Variants in EPC1 observed in about 807,000 individuals in gnomAD.
The protein encoded by EPC1 is enhancer of polycomb homolog 1.
A neutral mutation model predicts 98.4 loss-of-function variants in EPC1; 12 were observed. The observed-to-expected ratio is 0.12, with a 90% CI of 0.08 to 0.20. The LOEUF is 0.20. Ranked by LOEUF, EPC1 falls within the 10% of genes least tolerant of loss-of-function variation. The pLI, the probability that EPC1 is intolerant of heterozygous loss-of-function variation, is 1.00. For synonymous variants in EPC1, 357 were observed against 363.9 expected, an observed-to-expected ratio of 0.98 and a Z score of 0.21; for missense variants, 729 against 990.5, an observed-to-expected ratio of 0.74 and a Z score of 3.54.
rs578238011 is a variant in EPC1, at chr10:32,302,419, G to A, written c.313+3353C>T. On this transcript the variant is annotated intron_variant, in intron 2 of 13. Transcript: ENST00000319778. ...TCCCAGCACTTTGGGAGGCCGAGGC[G>A]GGTGGATCACCTCAGGTCAGGAGTT... Among the ~76,000 whole-genome samples, 6 of 151,876 alleles carry A rather than the reference G, an allele frequency of 4.0e-5. No homozygotes were observed. In the South Asian group the frequency reaches 6.2e-4, roughly 16 times the overall value.
At chr10:32,311,626 TCC>T (rs148163754) in intron 1 of EPC1, among the ~76,000 whole-genome samples, 7,615 of 152,166 alleles carry the variant, frequency 0.05, 597 homozygotes, top group African/African-American at 0.17. Flanking sequence ...TTCTCCCTTA[TCC>T]ACAGGGGATA....
At chr10:32,364,656 GT>G (rs1237349486) in intron 1 of EPC1, among the ~76,000 whole-genome samples, 4 of 151,922 alleles carry the variant, frequency 2.6e-5, no homozygotes, top group Non-Finnish European at 5.9e-5. Context: ...ATTTTTTGTA[GT>G]TTATAGAAAA....
intron 10 of EPC1, among the ~76,000 whole-genome samples, chr10:32,274,897 C>T (rs995029881): frequency 3.3e-5 from 5 of 152,024 alleles, no homozygotes; most frequent in African/African-American, 1.2e-4. Context: ...TAAAAAAAAT[C>T]CACGAAAATT....
intron 1 of EPC1, among the ~76,000 whole-genome samples, chr10:32,362,453 C>G (rs1478014277): frequency 1.3e-5 from 2 of 151,972 alleles, no homozygotes; most frequent in South Asian, 2.1e-4. Flanking sequence ...ATAGTAGCAC[C>G]TCCCCGCTCC....
chr10:32,353,232 G>A (rs1839176627), intron 1 of EPC1, among the ~76,000 whole-genome samples: 1 of 151,944 alleles, frequency 6.6e-6, no homozygotes, highest in South Asian at 2.1e-4. Context: ...GAAGTGAAGT[G>A]CGAACTAGAA....
At chr10:32,332,553 CT>C (rs1828094863) in intron 1 of EPC1, among the ~76,000 whole-genome samples, 1 of 152,178 alleles carries the variant, frequency 6.6e-6, no homozygotes, top group Non-Finnish European at 1.5e-5. Flanking sequence ...GTCATTTGTT[CT>C]GTGAAGACAC....
At chr10:32,337,546 T>C (rs181631011) in intron 1 of EPC1, among the ~76,000 whole-genome samples, 12 of 152,300 alleles carry the variant, frequency 7.9e-5, no homozygotes, top group Non-Finnish European at 1.6e-4. Flanking sequence ...GCCACATCTG[T>C]TTGGAATTTC....
At chr10:32,305,029 GT>G (rs1835795490) in intron 2 of EPC1, among the ~76,000 whole-genome samples, 1 of 151,950 alleles carries the variant, frequency 6.6e-6, no homozygotes, top group Admixed American at 6.6e-5. Context: ...TCAATTATTT[GT>G]TTTTAAGTTG....
intron 1 of EPC1, among the ~76,000 whole-genome samples, chr10:32,324,093 G>A (rs1477389695): frequency 6.6e-6 from 1 of 151,520 alleles, no homozygotes; most frequent in African/African-American, 2.4e-5. Flanking sequence ...CCGCCACCAC[G>A]CCTGGCTAAT....
intron 1 of EPC1, among the ~76,000 whole-genome samples, chr10:32,338,580 C>G (rs1838124174): frequency 6.6e-6 from 1 of 152,180 alleles, no homozygotes; most frequent in African/African-American, 2.4e-5. Context: ...CTACAACCCC[C>G]TGCTCACTCT....
intron 2 of EPC1, among the ~76,000 whole-genome samples, chr10:32,295,843 G>A (rs192195785): frequency 2.0e-5 from 3 of 151,966 alleles, no homozygotes; most frequent in Admixed American, 1.3e-4. Context: ...CATCATCATA[G>A]AAAGTTCTAT....
At chr10:32,323,245 A>G (rs1203270817) in intron 1 of EPC1, among the ~76,000 whole-genome samples, 1 of 152,166 alleles carries the variant, frequency 6.6e-6, no homozygotes, top group Admixed American at 6.5e-5. Context: ...AAGTTTCGCC[A>G]AAACCACAAA....
intron 1 of EPC1, among the ~76,000 whole-genome samples, chr10:32,334,275 G>A (rs1000486263): frequency 6.6e-6 from 1 of 152,164 alleles, no homozygotes; most frequent in African/African-American, 2.4e-5. Flanking sequence ...TATTTGGCAA[G>A]TGTCTGGAGA....
intron 2 of EPC1, among the ~76,000 whole-genome samples, chr10:32,304,729 G>T (rs1363539298): frequency 6.6e-6 from 1 of 151,988 alleles, no homozygotes; most frequent in African/African-American, 2.4e-5. Context: ...AGACCAGCCT[G>T]ACCAACATGG....
At position 32,273,219 on chromosome 10, in the gene EPC1, GCT is replaced by G; in HGVS notation, c.1805_1806del (p.Gln602ProfsTer11). ...QQQLALMQKQQLAQIQQQQAN... is the reference protein window; with the variant it reads ...QQQLALMQKQXLAQIQQQQAN... ...GCTTGCTGTTGCTGAATTTGTGCAA[GCT>G]GCTGTTTCTGCATGAGTGCCAGTTG... is the stretch of plus-strand genomic sequence containing the variant. On this transcript the variant is annotated frameshift_variant, in exon 11 of 14. Transcript: ENST00000319778. LOFTEE classifies it high-confidence loss of function. 6.2e-7 allele frequency: 1 copy of G among 1,614,012 alleles called. No homozygotes were observed. Among genetic ancestry groups the G allele is most frequent in the Non-Finnish European group, 8.5e-7 (1 of 1,179,858 alleles).
At chr10:32,350,755 C>T (rs945152331), upstream of EPC1, among the ~76,000 whole-genome samples, 1 of 152,166 alleles carries the variant, frequency 6.6e-6, no homozygotes, top group Non-Finnish European at 1.5e-5. Flanking sequence ...TTAACAAAAA[C>T]TTAGAATATG....
intron 1 of EPC1, among the ~76,000 whole-genome samples, chr10:32,324,097 G>A (rs1837111901): frequency 6.6e-6 from 1 of 151,756 alleles, no homozygotes; most frequent in Non-Finnish European, 1.5e-5. Flanking sequence ...CACCACGCCT[G>A]GCTAATTTTT....
At chr10:32,333,272 G>A (rs569856375) in intron 1 of EPC1, among the ~76,000 whole-genome samples, 13 of 152,262 alleles carry the variant, frequency 8.5e-5, no homozygotes, top group Admixed American at 5.2e-4. Flanking sequence ...CCTGGGAGGC[G>A]GAGGTTGCAG....
chr10:32,293,312 T>C (rs888073442), intron 3 of EPC1, 118 bp from the exon 4 acceptor site: 3 of 853,398 alleles, frequency 3.5e-6, no homozygotes, highest in East Asian at 5.3e-5. Context: ...AATGGGAAAC[T>C]TGAGGAGTAC....
Sources: gnomAD v4.1 joint callset for allele counts (sites outside exome capture counted in the v4.1 genomes callset) on GRCh38, gnomAD v4.1.1 for gene constraint, MANE v1.5 for transcripts, NCBI Gene and HGNC (gene_info 2026-07-23, HGNC 2026-07-21) for gene names.